HTR7: variants seen among roughly 807,000 people sequenced by gnomAD.
HTR7 encodes 5-hydroxytryptamine receptor 7.
A neutral mutation model predicts 34.0 loss-of-function variants in HTR7; 16 were observed. That is an observed-to-expected ratio of 0.47 (90% CI 0.32 to 0.71). HTR7 has a LOEUF of 0.71. Ranked by LOEUF, HTR7 falls within the 30% of genes least tolerant of loss-of-function variation. The pLI is 0.04. For synonymous variants in HTR7, 265 were observed against 260.2 expected, an observed-to-expected ratio of 1.02 and a Z score of -0.18; for missense variants, 504 against 625.5, an observed-to-expected ratio of 0.81 and a Z score of 2.07.
At chr10:90,854,203 A>T (rs1015293112) in intron 1 of HTR7, among the ~76,000 whole-genome samples, 2 of 152,186 alleles carry the variant, frequency 1.3e-5, no homozygotes, top group South Asian at 4.1e-4. Context: ...AAATTCAAAA[A>T]TTAGCCGGGT....
At chr10:90,827,918 A>C (rs1228129893) in intron 1 of HTR7, among the ~76,000 whole-genome samples, 1 of 152,156 alleles carries the variant, frequency 6.6e-6, no homozygotes, top group African/African-American at 2.4e-5. Context: ...GGAGAACACA[A>C]TCTTCTCAGC....
rs1038185946 is a variant in HTR7 at position 90,741,054 on chromosome 10, A to T, written c.*1428T>A. On this transcript the variant is annotated 3_prime_UTR_variant, in exon 4 of 4. Transcript: ENST00000336152. ...CTTTCAGGAAAGGTAGCTTTTCCCC[A>T]TGTCTGGTAAGAAGCAATGTCAATG... 3 of 152,594 alleles carry T rather than the reference A, an allele frequency of 2.0e-5. No individual in the cohort carries two copies. The highest frequency in any genetic ancestry group is 6.5e-5 in the Admixed American group (1 of 15,272). The allele number at this position is 152,594 out of a possible 1,614,324, so 9.5% of individuals were successfully genotyped here.
At position 90,748,913 on chromosome 10, in the gene HTR7, G is replaced by A; in HGVS notation, c.1221C>T (p.Asn407=). 6.2e-7 allele frequency: 1 copy of A among 1,614,170 alleles called. No homozygotes were observed. Among genetic ancestry groups the A allele is most frequent in the African/African-American group, 1.3e-5 (1 of 75,052 alleles). ...GCATGCCTGCAGCTGAGAGCTTCCGGTTGATATTCCGGTACTGGCACTGGA... is the reference window on the plus strand; with the variant it reads ...GCATGCCTGCAGCTGAGAGCTTCCGATTGATATTCCGGTACTGGCACTGGA... ...SLLQCQYRNI[N]RKLSAAGMHE... is the part of the protein sequence containing the mutation. The change falls in exon 2 of 4, where the codon AAC becomes AAT. Residue 407 remains asparagine (N), a synonymous_variant. Coordinates refer to ENST00000336152, the MANE Select transcript of HTR7 (RefSeq NM_019859.4).
At chr10:90,854,800 G>A (rs1450521475) in intron 1 of HTR7, among the ~76,000 whole-genome samples, 1 of 152,148 alleles carries the variant, frequency 6.6e-6, no homozygotes, top group Non-Finnish European at 1.5e-5. Flanking sequence ...ACAAAAGCCT[G>A]TAATGAGCAC....
intron 1 of HTR7, among the ~76,000 whole-genome samples, chr10:90,764,458 T>C (rs969404220): frequency 2.0e-5 from 3 of 152,174 alleles, no homozygotes; most frequent in African/African-American, 4.8e-5. Flanking sequence ...TATTACTCTA[T>C]GGAAATGCAA....
At chr10:90,748,710 A>G (rs1844679261) in intron 2 of HTR7, 129 bp downstream of exon 2, 12 of 1,039,790 alleles carry the variant, frequency 1.2e-5, no homozygotes, top group Non-Finnish European at 1.7e-5. Flanking sequence ...TACTGTTGTC[A>G]ATTCAAATCT....
At chr10:90,809,799 T>C (rs1159572461) in intron 1 of HTR7, among the ~76,000 whole-genome samples, 1 of 152,218 alleles carries the variant, frequency 6.6e-6, no homozygotes, top group Non-Finnish European at 1.5e-5. Context: ...GAAATCGGAC[T>C]GTCCAACTCA....
At chr10:90,759,815 G>T (rs555349646) in intron 1 of HTR7, among the ~76,000 whole-genome samples, 3 of 152,266 alleles carry the variant, frequency 2.0e-5, no homozygotes, top group African/African-American at 2.4e-5. Context: ...CAGGAGCTGG[G>T]GGGAAGCAAG....
rs1317207586 is a variant in HTR7 at position 90,741,901 on chromosome 10, A to G, written c.*581T>C. ...CACAGAAAAGTACATAGGTGGGGAAATCACAGAGACCCTGCAGAAAAGCCA... is the reference window on the plus strand; with the variant it reads ...CACAGAAAAGTACATAGGTGGGGAAGTCACAGAGACCCTGCAGAAAAGCCA... On this transcript the variant is annotated 3_prime_UTR_variant, in exon 4 of 4. Transcript: ENST00000336152. The G allele has an allele frequency of 6.6e-6, 1 of 151,614 alleles. No individual in the cohort carries two copies. The highest frequency in any genetic ancestry group is 2.1e-4 in the South Asian group (1 of 4,784). The allele number at this position is 151,614 out of a possible 1,614,324, so 9.4% of individuals were successfully genotyped here. A position where few individuals can be genotyped will look rare whatever the true frequency, so the allele number is the denominator to read the frequency against.
intron 1 of HTR7, among the ~76,000 whole-genome samples, chr10:90,810,857 G>A (rs544996899): frequency 2.1e-4 from 32 of 152,138 alleles, no homozygotes; most frequent in Non-Finnish European, 3.8e-4. Flanking sequence ...TACCTGTCTC[G>A]GCGTAATTCT....
At chr10:90,852,421 CAAT>C (rs1285299056) in intron 1 of HTR7, among the ~76,000 whole-genome samples, 2 of 151,912 alleles carry the variant, frequency 1.3e-5, no homozygotes, top group African/African-American at 4.8e-5. Flanking sequence ...AAATGAATGA[CAAT>C]AATAACATAA....
chr10:90,828,182 C>T (rs1846109827), intron 1 of HTR7, among the ~76,000 whole-genome samples: 2 of 152,034 alleles, frequency 1.3e-5, no homozygotes, highest in Non-Finnish European at 2.9e-5. Flanking sequence ...GGAAACACAA[C>T]ATATCAAAAC....
At chr10:90,802,887 G>A (rs920991211) in intron 1 of HTR7, among the ~76,000 whole-genome samples, 6 of 152,042 alleles carry the variant, frequency 3.9e-5, no homozygotes, top group African/African-American at 1.2e-4. Context: ...TTCCATCTGT[G>A]GGGGCATATG....
chr10:90,824,257 A>C (rs1487921973), intron 1 of HTR7, among the ~76,000 whole-genome samples: 1 of 152,260 alleles, frequency 6.6e-6, no homozygotes, highest in Non-Finnish European at 1.5e-5. Flanking sequence ...TGACATTTCC[A>C]GACACACATT....
intron 1 of HTR7, among the ~76,000 whole-genome samples, chr10:90,759,518 G>C (rs1050290815): frequency 6.6e-6 from 1 of 150,830 alleles, no homozygotes; most frequent in Non-Finnish European, 1.5e-5. Flanking sequence ...AGCCGGGCGC[G>C]GTGGCGGGCG....
chr10:90,824,650 G>T (rs2120024590), intron 1 of HTR7, among the ~76,000 whole-genome samples: 1 of 152,322 alleles, frequency 6.6e-6, no homozygotes, highest in South Asian at 2.1e-4. Context: ...TTTCCCTGAA[G>T]GGTGAGTCCC....
intron 1 of HTR7, among the ~76,000 whole-genome samples, chr10:90,806,997 G>C (rs1275533915): frequency 6.6e-6 from 1 of 152,192 alleles, no homozygotes; most frequent in East Asian, 1.9e-4. Flanking sequence ...ACTGAAACCA[G>C]AGGGCATAAT....
At chr10:90,759,744 A>G (rs572739155) in intron 1 of HTR7, among the ~76,000 whole-genome samples, 22 of 152,268 alleles carry the variant, frequency 1.4e-4, no homozygotes, top group African/African-American at 5.3e-4. Flanking sequence ...ACCTATGGGA[A>G]TTATATTAGC....
At chr10:90,847,234 G>GA (rs940901480) in intron 1 of HTR7, among the ~76,000 whole-genome samples, 2 of 152,052 alleles carry the variant, frequency 1.3e-5, no homozygotes, top group Non-Finnish European at 2.9e-5. Context: ...TTGTAGAGGG[G>GA]ATCAGTGGAG....
Sources: allele counts gnomAD v4.1 joint callset (sites outside exome capture counted in the v4.1 genomes callset), GRCh38; gene constraint gnomAD v4.1.1; transcripts MANE v1.5; gene names NCBI Gene and HGNC (gene_info 2026-07-23, HGNC 2026-07-21).